The following CMTM7 variants were observed in gnomAD, a reference collection of about 807,000 sequenced individuals.
CMTM7 encodes the protein CKLF like MARVEL transmembrane domain containing 7.
Under a neutral mutation model 19.3 loss-of-function variants are expected in CMTM7, and 7 were observed. The observed-to-expected ratio is 0.36, with a 90% confidence interval of 0.21 to 0.68. CMTM7 has a LOEUF of 0.68. Ranked by LOEUF, CMTM7 falls within the 30% of genes least tolerant of loss-of-function variation. The pLI, the probability that CMTM7 is intolerant of heterozygous loss-of-function variation, is 0.60. For synonymous variants in CMTM7, 87 were observed against 99.3 expected (o/e 0.88, Z 0.74); for missense variants, 193 against 232.6 (o/e 0.83, Z 1.11).
At chr3:32,453,310 T>C (rs1346537870) in intron 4 of CMTM7, among the ~76,000 whole-genome samples, 1 of 152,108 alleles carries the variant, frequency 6.6e-6, no homozygotes, top group Non-Finnish European at 1.5e-5. Flanking sequence ...AAGCCATCTG[T>C]CATCACACTA....
chr3:32,421,176 C>A (rs1455529696), intron 1 of CMTM7, among the ~76,000 whole-genome samples: 1 of 152,144 alleles, frequency 6.6e-6, no homozygotes, highest in African/African-American at 2.4e-5. Context: ...TGTGTCTTTT[C>A]TCTCCCATCT....
chr3:32,448,538 C>T (rs929228028), intron 2 of CMTM7, among the ~76,000 whole-genome samples: 2 of 152,194 alleles, frequency 1.3e-5, no homozygotes, highest in African/African-American at 2.4e-5. Context: ...CAGTTCTTCT[C>T]GGATCTGATG....
chr3:32,427,023 T>C (rs1288223568), intron 1 of CMTM7, among the ~76,000 whole-genome samples: 6 of 152,260 alleles, frequency 3.9e-5, no homozygotes, highest in Non-Finnish European at 8.8e-5. Context: ...TAATAGAGTA[T>C]ATGATCACTT....
At chr3:32,396,550 C>T (rs1418360751) in intron 1 of CMTM7, among the ~76,000 whole-genome samples, 1 of 151,936 alleles carries the variant, frequency 6.6e-6, no homozygotes, top group Non-Finnish European at 1.5e-5. Context: ...GGTGATGTTG[C>T]ACAACTCTGT....
intron 1 of CMTM7, among the ~76,000 whole-genome samples, chr3:32,411,493 G>T (rs1479001223): frequency 1.3e-5 from 2 of 152,168 alleles, no homozygotes; most frequent in Non-Finnish European, 2.9e-5. Context: ...TATCAAGAGT[G>T]TGAGCCATGC....
At chr3:32,424,335 T>G (rs563031792) in intron 1 of CMTM7, among the ~76,000 whole-genome samples, 1 of 152,340 alleles carries the variant, frequency 6.6e-6, no homozygotes, top group Non-Finnish European at 1.5e-5. Flanking sequence ...CGACCTCACC[T>G]TGCAGATCAC....
At chr3:32,447,022 G>A (rs759766258) in intron 2 of CMTM7, among the ~76,000 whole-genome samples, 16 of 152,074 alleles carry the variant, frequency 1.1e-4, no homozygotes, top group Non-Finnish European at 2.1e-4. Flanking sequence ...TCTAATTTGA[G>A]ACCTTCCTTC....
chr3:32,409,522 A>C (rs73825003), intron 1 of CMTM7, among the ~76,000 whole-genome samples: 4,718 of 152,202 alleles, frequency 0.031, 261 homozygotes, highest in African/African-American at 0.11. Flanking sequence ...CCATTGACCC[A>C]CTAATGTCCT....
intron 1 of CMTM7, among the ~76,000 whole-genome samples, chr3:32,432,349 G>C (rs981981314): frequency 2.0e-4 from 31 of 152,142 alleles, no homozygotes; most frequent in Admixed American, 1.6e-3. Context: ...CCCTGCCTCA[G>C]CGAGTGCTTC....
intron 1 of CMTM7, among the ~76,000 whole-genome samples, chr3:32,409,099 T>C (rs907978653): frequency 1.3e-5 from 2 of 152,050 alleles, no homozygotes; most frequent in Admixed American, 6.6e-5. Context: ...ACCAGGATGG[T>C]CTCCATCTCT....
intron 1 of CMTM7, among the ~76,000 whole-genome samples, chr3:32,434,162 C>T (rs1696561501): frequency 6.6e-6 from 1 of 152,124 alleles, no homozygotes; most frequent in African/African-American, 2.4e-5. Context: ...AAACTCCAGC[C>T]TGGGCAACAA....
intron 1 of CMTM7, among the ~76,000 whole-genome samples, chr3:32,432,799 C>T (rs932218305): frequency 5.9e-5 from 9 of 152,196 alleles, no homozygotes; most frequent in Admixed American, 5.9e-4. Context: ...TCCTAGGATT[C>T]ATGCTGATAG....
At position 32,454,332 on chromosome 3, in the gene CMTM7, T is replaced by C. The variant is rs747312812; in HGVS notation, c.*78T>C. ...ACTCCAGGCGAGGCCTCTGGACCTGTGTTCCTGTGCCAAAGTCCTGTCAGG... is the reference window on the plus strand; with the variant it reads ...ACTCCAGGCGAGGCCTCTGGACCTGCGTTCCTGTGCCAAAGTCCTGTCAGG... On this transcript the variant is annotated 3_prime_UTR_variant, in exon 5 of 5. Transcript: ENST00000334983. The C allele has an allele frequency of 1.9e-6, 3 of 1,575,638 alleles. No homozygotes were observed. Among genetic ancestry groups the C allele is most frequent in the Non-Finnish European group, 2.6e-6 (3 of 1,146,590 alleles).
intron 1 of CMTM7, among the ~76,000 whole-genome samples, chr3:32,404,737 C>T (rs1696065239): frequency 1.3e-5 from 2 of 152,226 alleles, no homozygotes; most frequent in African/African-American, 2.4e-5. Flanking sequence ...TAATTCCATC[C>T]TCTTGAGTGT....
chr3:32,412,480 GACACACACACACACAC>G (rs3081435), intron 1 of CMTM7, among the ~76,000 whole-genome samples: 8,628 of 120,316 alleles, frequency 0.072, 391 homozygotes, highest in Middle Eastern at 0.12. Context: ...GATTGAGACT[GACACACACACACACAC>G]ACACACACAC....
intron 1 of CMTM7, among the ~76,000 whole-genome samples, chr3:32,421,296 C>T (rs1456373299): frequency 6.6e-6 from 1 of 152,168 alleles, no homozygotes; most frequent in African/African-American, 2.4e-5. Context: ...ATATCTACTT[C>T]CTCAGCCTGG....
rs975970267 is a variant in CMTM7, at chr3:32,449,451, C to T, written c.334-3C>T. 6.2e-7 allele frequency: 1 copy of T among 1,611,826 alleles called. No individual in the cohort carries two copies. The highest frequency in any genetic ancestry group is 2.2e-5 in the East Asian group (1 of 44,876). On this transcript the variant is annotated splice_polypyrimidine_tract_variant and splice_region_variant and intron_variant, in intron 2 of 4. Transcript: ENST00000334983. The surrounding 1 kb of genome is among the most constrained non-coding windows in gnomAD (Gnocchi z 4.5). ...CACTTATTTGCTTTGTTTCTGCCCC[C>T]AGGAACTTCTGCACTATTTAATCGG...
chr3:32,425,260 G>T (rs1026213964), intron 1 of CMTM7, among the ~76,000 whole-genome samples: 2 of 152,008 alleles, frequency 1.3e-5, no homozygotes, highest in South Asian at 2.1e-4. Context: ...GTATTATTTC[G>T]GCTCCTTATA....
rs147561585 is a variant in CMTM7 at position 32,436,456 on chromosome 3, A to T, written c.160-5384A>T. Among the ~76,000 whole-genome samples the T allele has an allele frequency of 4.8e-3, 731 of 152,260 alleles. 5 individuals carry two copies. The highest frequency in any genetic ancestry group is 0.016 in the African/African-American group (684 of 41,558). On this transcript the variant is annotated intron_variant, in intron 1 of 4. Coordinates refer to ENST00000334983, the MANE Select transcript of CMTM7 (RefSeq NM_138410.4). Reference sequence around the variant, plus strand: ...CCAAGCAGTCATTTATGGGCCCACTAACATTTACAAATGCAGGTTCCAGGC... The same window carrying T: ...CCAAGCAGTCATTTATGGGCCCACTTACATTTACAAATGCAGGTTCCAGGC...
Sources: allele counts gnomAD v4.1 joint callset (sites outside exome capture counted in the v4.1 genomes callset), GRCh38; gene constraint gnomAD v4.1.1; non-coding constraint Gnocchi (gnomAD v3.1); transcripts MANE v1.5; gene names NCBI Gene and HGNC (gene_info 2026-07-23, HGNC 2026-07-21).